Variants in LHFPL3 observed in about 807,000 individuals in gnomAD.
The protein encoded by LHFPL3 is LHFPL tetraspan subfamily member 3, also known as LHFPL tetraspan subfamily member 3 protein.
Under a neutral mutation model 19.3 loss-of-function variants are expected in LHFPL3, and 5 were observed. That is an observed-to-expected ratio of 0.26 (90% CI 0.14 to 0.54). LHFPL3 has a LOEUF of 0.54. Ranked by LOEUF, LHFPL3 falls within the 20% of genes least tolerant of loss-of-function variation. LHFPL3 has a pLI of 0.94. For missense variants in LHFPL3, 249 were observed against 307.4 expected (o/e 0.81, Z 1.42); for synonymous variants, 133 against 126.2 (o/e 1.05, Z -0.36).
intron 2 of LHFPL3, among the ~76,000 whole-genome samples, chr7:104,850,958 A>T (rs10259925): frequency 0.089 from 13,567 of 152,202 alleles, 1,306 homozygotes; most frequent in East Asian, 0.43. Context: ...CCATCATTCC[A>T]GGTACTTCTG....
chr7:104,801,098 C>T (rs1007902594), intron 2 of LHFPL3, among the ~76,000 whole-genome samples: 3 of 152,178 alleles, frequency 2.0e-5, no homozygotes, highest in Non-Finnish European at 2.9e-5. Context: ...CAAGGGGGAA[C>T]AGAGAGGTTC....
intron 1 of LHFPL3, among the ~76,000 whole-genome samples, chr7:104,392,589 A>G (rs1791097906): frequency 6.6e-6 from 1 of 151,958 alleles, no homozygotes; most frequent in South Asian, 2.1e-4. Flanking sequence ...TTGGTTTGCC[A>G]GTATTTTATT....
In LHFPL3 at chr7:104,418,515, G is replaced by C. The variant is rs1379164932; in HGVS notation, c.445+89291G>C. On this transcript the variant is annotated intron_variant, in intron 1 of 2. Coordinates refer to ENST00000424859, the MANE Select transcript of LHFPL3 (RefSeq NM_199000.3). The stretch of plus-strand genomic sequence containing the variant: ...CCACTGCACTCCAGCCTGGGCAACA[G>C]AGTGAGACCCTGTCTCCAAAAACAA... Among the ~76,000 whole-genome samples the C allele has an allele frequency of 5.3e-5, 8 of 152,262 alleles. No individual in the cohort carries two copies. In the South Asian group the frequency reaches 1.7e-3, roughly 32 times the overall value.
intron 1 of LHFPL3, among the ~76,000 whole-genome samples, chr7:104,700,752 T>C (rs1343005485): frequency 6.6e-6 from 1 of 152,268 alleles, no homozygotes; most frequent in Non-Finnish European, 1.5e-5. Flanking sequence ...TGCCATATTT[T>C]AGGTTGCAAT....
intron 2 of LHFPL3, among the ~76,000 whole-genome samples, chr7:104,838,552 T>C (rs929673008): frequency 2.0e-5 from 3 of 152,260 alleles, no homozygotes; most frequent in Non-Finnish European, 2.9e-5. Context: ...ATATTTATGT[T>C]TCATTGTATC....
At chr7:104,877,702 C>T (rs1158436979) in intron 2 of LHFPL3, among the ~76,000 whole-genome samples, 1 of 145,470 alleles carries the variant, frequency 6.9e-6, no homozygotes, top group African/African-American at 2.6e-5. Context: ...CTTTTAAAAA[C>T]AGTTTGGAAG....
chr7:104,440,330 T>C (rs563045001), intron 1 of LHFPL3, among the ~76,000 whole-genome samples: 228 of 151,356 alleles, frequency 1.5e-3, no homozygotes, highest in Non-Finnish European at 3.0e-3. Flanking sequence ...AACCAAACAC[T>C]GCATGTTCTC....
chr7:104,431,672 T>C (rs555468744), intron 1 of LHFPL3, among the ~76,000 whole-genome samples: 3 of 152,240 alleles, frequency 2.0e-5, no homozygotes, highest in Non-Finnish European at 4.4e-5. Flanking sequence ...TACCATCACA[T>C]GTATAAAATA....
intron 1 of LHFPL3, among the ~76,000 whole-genome samples, chr7:104,666,867 A>G (rs113295862): frequency 1.3e-5 from 2 of 152,044 alleles, no homozygotes; most frequent in African/African-American, 4.8e-5. Flanking sequence ...CATTTTGTAT[A>G]TATACCACAT....
At chr7:104,827,621 TTTGA>T (rs372883360) in intron 2 of LHFPL3, among the ~76,000 whole-genome samples, 1 of 151,792 alleles carries the variant, frequency 6.6e-6, no homozygotes, top group Admixed American at 6.6e-5. Context: ...TGTTTTTTTT[TTTGA>T]TTGATAGTAT....
chr7:104,422,362 A>AAAC lies in LHFPL3; in HGVS notation c.445+93156_445+93158dup, dbSNP rs139661329. Among the ~76,000 whole-genome samples, 79 of 151,698 alleles carry AAAC rather than the reference A, an allele frequency of 5.2e-4. 1 individual carries two copies. The highest frequency in any genetic ancestry group is 1.2e-3 in the African/African-American group (48 of 41,198). ...GGTGACAGAGCAAGACTCTGTCTCA[A>AAAC]AACAACAACAACAACAACAAGAACA... On this transcript the variant is annotated intron_variant, in intron 1 of 2. Transcript: ENST00000424859.
intron 1 of LHFPL3, among the ~76,000 whole-genome samples, chr7:104,453,396 T>C (rs765461694): frequency 1.3e-5 from 2 of 152,110 alleles, no homozygotes; most frequent in Non-Finnish European, 2.9e-5. Flanking sequence ...TAAGGGAAGT[T>C]AGACTCAGCC....
intron 1 of LHFPL3, among the ~76,000 whole-genome samples, chr7:104,457,379 T>C (rs1792567388): frequency 6.6e-6 from 1 of 152,082 alleles, no homozygotes; most frequent in Non-Finnish European, 1.5e-5. Context: ...GTTTGCTTTT[T>C]GTTCTTGTGA....
intron 1 of LHFPL3, among the ~76,000 whole-genome samples, chr7:104,582,451 T>C (rs1790478038): frequency 6.6e-6 from 1 of 152,008 alleles, no homozygotes; most frequent in Non-Finnish European, 1.5e-5. Flanking sequence ...CTCTTTGCCT[T>C]TTATTTATTT....
chr7:104,663,895 T>C (rs979255526), intron 1 of LHFPL3, among the ~76,000 whole-genome samples: 1 of 152,232 alleles, frequency 6.6e-6, no homozygotes, highest in Non-Finnish European at 1.5e-5. Flanking sequence ...ACCTTAACCA[T>C]AAGACCATCA....
chr7:104,812,234 AAG>A (rs1200979614), intron 2 of LHFPL3, among the ~76,000 whole-genome samples: 9 of 152,230 alleles, frequency 5.9e-5, no homozygotes, highest in African/African-American at 2.2e-4. Flanking sequence ...CCATTGCTGA[AAG>A]AGAGCCAGCA....
chr7:104,683,376 G>A (rs1199735540), intron 1 of LHFPL3, among the ~76,000 whole-genome samples: 1 of 152,194 alleles, frequency 6.6e-6, no homozygotes, highest in Non-Finnish European at 1.5e-5. Flanking sequence ...TGTGTAATGT[G>A]AAGATAATTT....
intron 2 of LHFPL3, among the ~76,000 whole-genome samples, chr7:104,852,981 G>T (rs991670872): frequency 1.3e-5 from 2 of 152,112 alleles, no homozygotes; most frequent in African/African-American, 4.8e-5. Context: ...GCCACCGTCT[G>T]CCCGAGGCAG....
At chr7:104,614,653 C>CTTCTCTTCTCTCCTTCCTTCCTTCCT (rs1554415305) in intron 1 of LHFPL3, among the ~76,000 whole-genome samples, 12 of 51,522 alleles carry the variant, frequency 2.3e-4, no homozygotes, top group Non-Finnish European at 3.1e-4. Flanking sequence ...CTTCTCTTCT[C>CTTCTCTTCTCTCCTTCCTTCCTTCCT]TCCTTCCTTC....
Sources: allele counts gnomAD v4.1 joint callset (sites outside exome capture counted in the v4.1 genomes callset), GRCh38; gene constraint gnomAD v4.1.1; transcripts MANE v1.5; gene names NCBI Gene and HGNC (gene_info 2026-07-23, HGNC 2026-07-21).